JMJD1C: variants seen among roughly 807,000 people sequenced by gnomAD.
JMJD1C encodes the protein jumonji domain-containing protein 1C.
JMJD1C carries 31 observed loss-of-function variants against 245.3 expected under a neutral mutation model. That is an observed-to-expected ratio of 0.13 (90% confidence interval 0.09 to 0.17). JMJD1C has a LOEUF of 0.17. JMJD1C is among the 10% of genes least tolerant of loss of function. The probability of loss-of-function intolerance (pLI) is 1.00; values close to 1 mark genes in which losing one functional copy is unlikely to be tolerated. For missense variants in JMJD1C, 2,691 were observed against 3,000.2 expected, an observed-to-expected ratio of 0.90 and a Z score of 2.41; for synonymous variants, 1,057 against 1,017.4, an observed-to-expected ratio of 1.04 and a Z score of -0.74.
chr10:63,386,252 T>A (rs1362393145), intron 1 of JMJD1C, among the ~76,000 whole-genome samples: 1 of 152,186 alleles, frequency 6.6e-6, no homozygotes, highest in African/African-American at 2.4e-5. Flanking sequence ...CCCCAGAATC[T>A]GTACTGTGGG....
chr10:63,254,288 G>A (rs72829198), intron 3 of JMJD1C, among the ~76,000 whole-genome samples: 2,814 of 152,216 alleles, frequency 0.018, 42 homozygotes, highest in Non-Finnish European at 0.03. Flanking sequence ...CCTGCCGAGG[G>A]AACAAATGAA....
At chr10:63,519,730 G>C (rs891778872) in intron 1 of JMJD1C, among the ~76,000 whole-genome samples, 2 of 152,206 alleles carry the variant, frequency 1.3e-5, no homozygotes, top group Admixed American at 6.5e-5. Context: ...AGTGTTAAGG[G>C]AAAAACGAAA....
chr10:63,300,157 T>C (rs1353588473), intron 2 of JMJD1C, among the ~76,000 whole-genome samples: 2 of 152,168 alleles, frequency 1.3e-5, no homozygotes, highest in African/African-American at 4.8e-5. Flanking sequence ...CAACCAAATA[T>C]TCAAGTTAAT....
intron 2 of JMJD1C, among the ~76,000 whole-genome samples, chr10:63,304,877 T>C (rs1200795096): frequency 3.3e-5 from 5 of 152,228 alleles, no homozygotes; most frequent in Non-Finnish European, 5.9e-5. Flanking sequence ...CTCACATCTG[T>C]AATTCCAGTA....
In JMJD1C at chr10:63,184,683, T is replaced by C; in HGVS notation, c.6886A>G (p.Lys2296Glu). Reference protein sequence around the residue: ...PLPEYCNPEGKFNLASHLPGF... With the variant: ...PLPEYCNPEGEFNLASHLPGF... Reference sequence around the variant, plus strand: ...GGCAAATGAGAGGCCAAATTGAATTTTCCTTCTGGATTACAATATTCTGGC... The same window carrying C: ...GGCAAATGAGAGGCCAAATTGAATTCTCCTTCTGGATTACAATATTCTGGC... Residue 2296 changes from lysine to glutamate, a missense_variant, in exon 21 of 26, where the codon AAA (lysine) becomes GAA (glutamate). Physicochemically the swap from Lys to Glu is moderately conservative, Grantham distance 56 (BLOSUM62 1). Around this residue, in one of 9 missense-constraint regions of JMJD1C, gnomAD observed 232 missense variants for 416.1 expected, o/e 0.56. Coordinates refer to ENST00000399262, the MANE Select transcript of JMJD1C (RefSeq NM_032776.3). The C allele has an allele frequency of 6.2e-7, 1 of 1,613,820 alleles. No homozygotes were observed. The highest frequency in any genetic ancestry group is 8.5e-7 in the Non-Finnish European group (1 of 1,179,748).
At chr10:63,410,529 A>G (rs1180322332) in intron 1 of JMJD1C, among the ~76,000 whole-genome samples, 9 of 152,314 alleles carry the variant, frequency 5.9e-5, no homozygotes, top group East Asian at 3.9e-4. Flanking sequence ...AAAACCTTCC[A>G]TAAGAATCCA....
Position 63,240,811 on chromosome 10 carries a change from G to C in JMJD1C, c.448-20828C>G, listed in dbSNP as rs1411716848. 5.3e-5 allele frequency among the ~76,000 whole-genome samples: 8 copies of C among 152,186 alleles called. No homozygotes were observed. In the East Asian group the frequency reaches 1.5e-3, roughly 29 times the overall value. ...AAGATATTAGCTTTTTAAAACATAA[G>C]GCAGAGAGAGGAACAATTCCAAACG... On this transcript the variant is annotated intron_variant, in intron 3 of 25. Coordinates refer to ENST00000399262, the MANE Select transcript of JMJD1C (RefSeq NM_032776.3).
intron 2 of JMJD1C, among the ~76,000 whole-genome samples, chr10:63,360,827 T>G (rs765091066): frequency 1.6e-4 from 24 of 152,242 alleles, no homozygotes; most frequent in Non-Finnish European, 3.1e-4. Context: ...CTCTGTCACC[T>G]AGGCTAGAGC....
intron 2 of JMJD1C, among the ~76,000 whole-genome samples, chr10:63,305,834 G>A (rs1938137203): frequency 6.6e-6 from 1 of 152,204 alleles, no homozygotes; most frequent in African/African-American, 2.4e-5. Context: ...CTGGGCTCAA[G>A]TGATTCTCCC....
chr10:63,450,601 G>A (rs1257663223), intron 1 of JMJD1C, among the ~76,000 whole-genome samples: 1 of 152,128 alleles, frequency 6.6e-6, no homozygotes, highest in African/African-American at 2.4e-5. Context: ...AATTGATGCA[G>A]ATAAAGCATG....
At position 63,207,342 on chromosome 10, in the gene JMJD1C, C is replaced by T. The variant is rs1415916139; in HGVS notation, c.4327G>A (p.Ala1443Thr). The T allele has an allele frequency of 1.6e-5, 26 of 1,613,640 alleles. No individual in the cohort carries two copies. The highest frequency in any genetic ancestry group is 2.1e-5 in the Non-Finnish European group (25 of 1,180,004). ...CTGACCTTGCATTCTTGTTTTTGAG[C>T]CACTGGCTGACTGACACTTTTTGAA... Reference protein sequence around the residue: ...VSSKSVSQPVAQKQECKVSTT... With the variant: ...VSSKSVSQPVTQKQECKVSTT... Residue 1443 changes from alanine to threonine, a missense_variant, in exon 10 of 26, where the codon GCT becomes ACT. Transcript: ENST00000399262.
chr10:63,457,387 C>T (rs768275479), intron 1 of JMJD1C, among the ~76,000 whole-genome samples: 4 of 152,074 alleles, frequency 2.6e-5, no homozygotes, highest in Non-Finnish European at 4.4e-5. Context: ...AACCCACACA[C>T]GGGACATTCA....
intron 5 of JMJD1C, 115 bp downstream of exon 5, chr10:63,217,092 G>A (rs1195004756): frequency 2.2e-6 from 2 of 922,940 alleles, no homozygotes; most frequent in East Asian, 2.5e-5. Context: ...AGAATTACAC[G>A]ACTAAAAACC....
chr10:63,284,956 C>T (rs973264937), intron 2 of JMJD1C, among the ~76,000 whole-genome samples: 4 of 151,918 alleles, frequency 2.6e-5, no homozygotes, highest in Non-Finnish European at 5.9e-5. Context: ...CATACACACA[C>T]AATTTACACA....
chr10:63,367,229 T>TTTTTTG (rs1564839651), intron 2 of JMJD1C, among the ~76,000 whole-genome samples: 1 of 152,064 alleles, frequency 6.6e-6, no homozygotes, highest in African/African-American at 2.4e-5. Flanking sequence ...ACCCTAGTTT[T>TTTTTTG]TTTTTGTTTT....
intron 3 of JMJD1C, among the ~76,000 whole-genome samples, chr10:63,234,519 A>AAAAAAAAAAAAC (rs1564654977): frequency 1.4e-5 from 2 of 148,014 alleles, no homozygotes; most frequent in Non-Finnish European, 3.0e-5. Context: ...AAAAAAAAAA[A>AAAAAAAAAAAAC]AACACCAAAA....
At chr10:63,199,178 C>T (rs939593047) in intron 11 of JMJD1C, among the ~76,000 whole-genome samples, 5 of 152,086 alleles carry the variant, frequency 3.3e-5, no homozygotes, top group Admixed American at 3.3e-4. Context: ...TAGACTGACA[C>T]ATTGCTGAAG....
chr10:63,441,839 A>G (rs1951406831), intron 1 of JMJD1C, among the ~76,000 whole-genome samples: 1 of 152,180 alleles, frequency 6.6e-6, no homozygotes, highest in African/African-American at 2.4e-5. Flanking sequence ...TACGGCTATT[A>G]TAATCACCTT....
chr10:63,233,047 T>C (rs1180924514), intron 3 of JMJD1C, among the ~76,000 whole-genome samples: 2 of 152,182 alleles, frequency 1.3e-5, no homozygotes, highest in Non-Finnish European at 2.9e-5. Flanking sequence ...TATTTTAAGT[T>C]ATTCTCTCTC....
Sources: allele counts gnomAD v4.1 joint callset (sites outside exome capture counted in the v4.1 genomes callset), GRCh38; gene constraint gnomAD v4.1.1; regional missense constraint gnomAD v4.1.1; transcripts MANE v1.5; gene names NCBI Gene and HGNC (gene_info 2026-07-23, HGNC 2026-07-21).